Variants in EBF1 observed in about 807,000 individuals in gnomAD.
The protein encoded by EBF1 is EBF transcription factor 1.
A neutral mutation model predicts 68.4 loss-of-function variants in EBF1; 10 were observed. The observed-to-expected ratio is 0.15, with a 90% CI of 0.09 to 0.25. The LOEUF is 0.25. Among genes scored for constraint, EBF1 ranks in the 10% least tolerant of loss-of-function variants. The pLI, the probability that EBF1 is intolerant of heterozygous loss-of-function variation, is 1.00. For missense variants in EBF1, 509 were observed against 794.4 expected, an observed-to-expected ratio of 0.64 and a Z score of 4.32; for synonymous variants, 298 against 299.8, an observed-to-expected ratio of 0.99 and a Z score of 0.06.
At chr5:158,950,625 T>A (rs974807522) in intron 6 of EBF1, among the ~76,000 whole-genome samples, 2 of 152,206 alleles carry the variant, frequency 1.3e-5, no homozygotes, top group South Asian at 4.1e-4. Context: ...AAGAAGTACT[T>A]CCTCAGTGGC....
At chr5:158,715,572 T>C (rs567115284) in intron 11 of EBF1, among the ~76,000 whole-genome samples, 13 of 152,346 alleles carry the variant, frequency 8.5e-5, no homozygotes, top group African/African-American at 2.2e-4. Flanking sequence ...CTTAAGCTGA[T>C]AGACCCCCTT....
intron 11 of EBF1, among the ~76,000 whole-genome samples, chr5:158,722,770 A>G (rs1410296853): frequency 3.3e-5 from 5 of 152,132 alleles, no homozygotes; most frequent in Non-Finnish European, 5.9e-5. Context: ...GGGGCTTGGT[A>G]CTTATTACTC....
chr5:158,946,450 C>A (rs775277352), intron 6 of EBF1, among the ~76,000 whole-genome samples: 3 of 152,210 alleles, frequency 2.0e-5, no homozygotes, highest in Non-Finnish European at 4.4e-5. Context: ...CCCTCTTCTG[C>A]AGGTCTGCTG....
At chr5:158,858,947 A>G (rs1794531022) in intron 6 of EBF1, among the ~76,000 whole-genome samples, 1 of 152,184 alleles carries the variant, frequency 6.6e-6, no homozygotes, top group Non-Finnish European at 1.5e-5. Context: ...TTGGCTCCTT[A>G]GACAGTGAGC....
chr5:158,898,987 C>G (rs1802728920), intron 6 of EBF1, among the ~76,000 whole-genome samples: 1 of 152,192 alleles, frequency 6.6e-6, no homozygotes, highest in Admixed American at 6.5e-5. Flanking sequence ...AGTCATTCCT[C>G]TAATGAATGC....
At chr5:158,714,907 G>A (rs1278805006) in intron 11 of EBF1, among the ~76,000 whole-genome samples, 1 of 151,950 alleles carries the variant, frequency 6.6e-6, no homozygotes, top group African/African-American at 2.4e-5. Flanking sequence ...ACTCATTCCA[G>A]TTGAAGGAAA....
At chr5:158,734,202 C>T (rs12188736) in intron 10 of EBF1, among the ~76,000 whole-genome samples, 48,863 of 151,872 alleles carry the variant, frequency 0.32, 9,554 homozygotes, top group Non-Finnish European at 0.44. Flanking sequence ...TTCTAAGTAG[C>T]GGGTCTTAAA....
intron 7 of EBF1, among the ~76,000 whole-genome samples, chr5:158,836,457 A>C (rs976882721): frequency 3.3e-5 from 5 of 152,204 alleles, no homozygotes; most frequent in African/African-American, 4.8e-5. Flanking sequence ...AAATGGATTC[A>C]AAAAGGGTGT....
intron 6 of EBF1, among the ~76,000 whole-genome samples, chr5:159,072,932 C>G (rs1057206567): frequency 2.0e-5 from 3 of 152,180 alleles, no homozygotes; most frequent in African/African-American, 7.2e-5. Flanking sequence ...TCACAGATCT[C>G]TTTAAACTGC....
At chr5:158,724,217 A>T (rs1358617312) in intron 11 of EBF1, among the ~76,000 whole-genome samples, 1 of 152,188 alleles carries the variant, frequency 6.6e-6, no homozygotes, top group African/African-American at 2.4e-5. Flanking sequence ...TGAATATACC[A>T]TAAGATTTGC....
chr5:159,075,832 G>A (rs1778682767), intron 5 of EBF1, among the ~76,000 whole-genome samples: 2 of 152,148 alleles, frequency 1.3e-5, no homozygotes, highest in South Asian at 4.2e-4. Context: ...TACCGCACTG[G>A]CCCATTTCAA....
chr5:158,890,283 C>A (rs1041592375), intron 6 of EBF1, among the ~76,000 whole-genome samples: 1 of 152,190 alleles, frequency 6.6e-6, no homozygotes, highest in Non-Finnish European at 1.5e-5. Context: ...GGCCACTAGG[C>A]CTTTATTCAA....
chr5:158,713,222 G>A (rs1346479859), intron 12 of EBF1, 75 bp from the exon 13 acceptor site: 4 of 1,251,440 alleles, frequency 3.2e-6, no homozygotes, highest in Non-Finnish European at 4.1e-6. Flanking sequence ...TCGGTGCCAG[G>A]TACCGTGCTC....
intron 6 of EBF1, among the ~76,000 whole-genome samples, chr5:158,851,662 GAGGA>G (rs1792771395): frequency 9.5e-6 from 1 of 105,280 alleles, no homozygotes; most frequent in Non-Finnish European, 2.0e-5. Flanking sequence ...AAGGGGAGGG[GAGGA>G]AGGGAAGGGA....
In EBF1 at chr5:158,732,694, T is replaced by C. The variant is rs1764357913; in HGVS notation, c.1037-1537A>G. Among the ~76,000 whole-genome samples, 4 of 152,270 alleles carry C rather than the reference T, an allele frequency of 2.6e-5. No homozygotes were observed. The South Asian group carries it at 8.3e-4, about 32-fold the overall frequency. Reference sequence around the variant, plus strand: ...AATAATTACACCTCCAAAAGACACATAAATCAGAGTAAGTACTTTTTCTTC... The same window carrying C: ...AATAATTACACCTCCAAAAGACACACAAATCAGAGTAAGTACTTTTTCTTC... On this transcript the variant is annotated intron_variant, in intron 10 of 15. Transcript: ENST00000313708.
At chr5:158,943,003 G>A (rs1813800743) in intron 6 of EBF1, among the ~76,000 whole-genome samples, 1 of 122,844 alleles carries the variant, frequency 8.1e-6, no homozygotes. Context: ...GGGAGGAAGG[G>A]AGGAAAGGAG....
At chr5:158,876,259 G>A (rs902981565) in intron 6 of EBF1, among the ~76,000 whole-genome samples, 9 of 152,026 alleles carry the variant, frequency 5.9e-5, no homozygotes, top group Admixed American at 2.0e-4. Flanking sequence ...GTCTCCTTTA[G>A]CCTCCCAATA....
intron 6 of EBF1, among the ~76,000 whole-genome samples, chr5:159,066,630 G>GAC (rs34606310): frequency 0.011 from 1,703 of 148,660 alleles, 30 homozygotes; most frequent in African/African-American, 0.031. Flanking sequence ...TACATGCACA[G>GAC]ACACACACAC....
At chr5:159,009,459 C>T (rs754855719) in intron 6 of EBF1, among the ~76,000 whole-genome samples, 7 of 152,196 alleles carry the variant, frequency 4.6e-5, no homozygotes, top group Non-Finnish European at 7.3e-5. Context: ...ACTTTCTTTA[C>T]TATGCCAGCC....
Sources: allele counts gnomAD v4.1 joint callset (sites outside exome capture counted in the v4.1 genomes callset), GRCh38; gene constraint gnomAD v4.1.1; transcripts MANE v1.5; gene names NCBI Gene and HGNC (gene_info 2026-07-23, HGNC 2026-07-21).